Variants in RBFOX1 observed in about 807,000 individuals in gnomAD.
RBFOX1 encodes RNA binding fox-1 homolog 1.
Under a neutral mutation model 57.7 loss-of-function variants are expected in RBFOX1, and 8 were observed. The observed-to-expected ratio is 0.14, with a 90% CI of 0.08 to 0.25. RBFOX1 has a LOEUF of 0.25. Among genes scored for constraint, RBFOX1 ranks in the 10% least tolerant of loss-of-function variants. RBFOX1 has a pLI of 1.00. For missense variants in RBFOX1, 611 were observed against 548.5 expected (o/e 1.11, Z -1.14); for synonymous variants, 326 against 222.4 (o/e 1.47, Z -4.15).
intron 4 of RBFOX1, among the ~76,000 whole-genome samples, chr16:7,059,184 A>C (rs1369020922): frequency 6.6e-6 from 1 of 152,186 alleles, no homozygotes; most frequent in African/African-American, 2.4e-5. Flanking sequence ...AATCAGAGAT[A>C]CCTTCTCCCG....
chr16:5,804,947 T>C (rs940688691), intron 3 of RBFOX1, among the ~76,000 whole-genome samples: 2 of 152,182 alleles, frequency 1.3e-5, no homozygotes, highest in African/African-American at 4.8e-5. Context: ...GACAGGTTTT[T>C]AATAGTCCCA....
chr16:7,125,681 C>G (rs2068325733), intron 4 of RBFOX1, among the ~76,000 whole-genome samples: 1 of 152,090 alleles, frequency 6.6e-6, no homozygotes, highest in African/African-American at 2.4e-5. Flanking sequence ...GTTATTTGCT[C>G]TAAAATTTAA....
intron 4 of RBFOX1, among the ~76,000 whole-genome samples, chr16:5,956,678 ATT>A (rs34743228): frequency 8.6e-6 from 1 of 116,506 alleles, no homozygotes; most frequent in African/African-American, 3.5e-5. Flanking sequence ...ATATATATAT[ATT>A]TTTTTTGAGG....
At position 5,984,946 on chromosome 16, in the gene RBFOX1, TTATATATATATATA is replaced by T. The variant is rs61004841; in HGVS notation, c.351+117629_351+117642del. On this transcript the variant is annotated intron_variant, in intron 4 of 19. Coordinates refer to the RBFOX1 transcript ENST00000641259. The stretch of plus-strand genomic sequence containing the variant: ...GGTACACCTGTATAGGGCAACTCCA[TTATATATATATATA>T]TATATATATATATATATTTTTTTTT... Among the ~76,000 whole-genome samples the T allele has an allele frequency of 3.3e-4, 23 of 69,660 alleles. 1 individual carries two copies. Among genetic ancestry groups the T allele is most frequent in the African/African-American group, 6.5e-4 (9 of 13,938 alleles). The allele number at this position is 69,660 out of a possible 152,430, so 45.7% of individuals were successfully genotyped here. A position where few individuals can be genotyped will look rare whatever the true frequency, so the allele number is the denominator to read the frequency against.
chr16:5,342,610 A>C (rs759748120), intron 1 of RBFOX1, among the ~76,000 whole-genome samples: 1 of 152,146 alleles, frequency 6.6e-6, no homozygotes, highest in Admixed American at 6.5e-5. Context: ...AAAATGCAAA[A>C]TGCTGCAAGT....
chr16:7,193,163 A>G (rs529357779), intron 4 of RBFOX1, among the ~76,000 whole-genome samples: 33 of 152,324 alleles, frequency 2.2e-4, no homozygotes, highest in African/African-American at 7.9e-4. Context: ...GATGGATCCA[A>G]TAGGATTACA....
chr16:7,198,721 C>G (rs1179805792), intron 4 of RBFOX1, among the ~76,000 whole-genome samples: 9 of 152,164 alleles, frequency 5.9e-5, no homozygotes, highest in African/African-American at 1.2e-4. Flanking sequence ...CTCACTGCAG[C>G]AGTAATGACT....
chr16:7,000,270 C>G (rs929252302), intron 3 of RBFOX1, among the ~76,000 whole-genome samples: 3 of 152,008 alleles, frequency 2.0e-5, no homozygotes, highest in Admixed American at 1.3e-4. Flanking sequence ...ACCTGATAAT[C>G]TTACACATTT....
Position 6,897,474 on chromosome 16 carries a change from C to G in RBFOX1, c.-15-154583C>G, listed in dbSNP as rs1304484639. ...ACAGATTAAAACGTGATGTGGCTTC[C>G]CACTGTATTTAAGAAAATGGTCAAG... On this transcript the variant is annotated intron_variant, in intron 3 of 15. Transcript: ENST00000550418. Among the ~76,000 whole-genome samples, 7 of 152,176 alleles carry G rather than the reference C, an allele frequency of 4.6e-5. No individual in the cohort carries two copies. The South Asian group carries it at 8.3e-4, about 18-fold the overall frequency.
chr16:6,084,294 A>G (rs943539438), intron 1 of RBFOX1, among the ~76,000 whole-genome samples: 1 of 152,000 alleles, frequency 6.6e-6, no homozygotes, highest in Non-Finnish European at 1.5e-5. Context: ...CCCAGGCTGG[A>G]GAGCAGTGAT....
intron 3 of RBFOX1, among the ~76,000 whole-genome samples, chr16:6,810,422 G>C (rs1326443233): frequency 1.3e-5 from 2 of 152,052 alleles, no homozygotes; most frequent in Non-Finnish European, 2.9e-5. Context: ...ACTTTTTCCT[G>C]GGAGAAGGAT....
intron 2 of RBFOX1, among the ~76,000 whole-genome samples, chr16:5,518,259 G>T (rs1019794581): frequency 6.6e-6 from 1 of 152,156 alleles, no homozygotes; most frequent in African/African-American, 2.4e-5. Context: ...TATACTGACT[G>T]CTGGAGTGTG....
intron 3 of RBFOX1, among the ~76,000 whole-genome samples, chr16:5,792,954 G>T (rs943077218): frequency 6.6e-6 from 1 of 152,240 alleles, no homozygotes; most frequent in African/African-American, 2.4e-5. Flanking sequence ...CTGAGTAGGA[G>T]GAGGAAGAGA....
chr16:7,151,769 G>A lies in RBFOX1; in HGVS notation c.27+99671G>A, dbSNP rs117520546. The stretch of plus-strand genomic sequence containing the variant: ...CAACTAGACAGTCCCATCTTGGGGT[G>A]ATGGTAGGAAGTGACAGATCATCAG... On this transcript the variant is annotated intron_variant, in intron 4 of 15. Coordinates refer to ENST00000550418, the MANE Select transcript of RBFOX1 (RefSeq NM_018723.4). Among the ~76,000 whole-genome samples, 913 of 152,154 alleles carry A rather than the reference G, an allele frequency of 6.0e-3. 4 individuals carry two copies. Among genetic ancestry groups the A allele is most frequent in the Non-Finnish European group, 7.1e-3 (481 of 68,012 alleles).
At chr16:5,552,893 G>T (rs1419520838) in intron 2 of RBFOX1, among the ~76,000 whole-genome samples, 1 of 152,096 alleles carries the variant, frequency 6.6e-6, no homozygotes, top group Non-Finnish European at 1.5e-5. Context: ...CCCATCTCCA[G>T]GTCCTCAACA....
chr16:6,680,089 T>A (rs1183310822), intron 3 of RBFOX1, among the ~76,000 whole-genome samples: 1 of 151,938 alleles, frequency 6.6e-6, no homozygotes, highest in Non-Finnish European at 1.5e-5. Flanking sequence ...ATTGGCAACT[T>A]GGAACTTCAG....
upstream of RBFOX1, among the ~76,000 whole-genome samples, chr16:6,014,057 G>C (rs926070138): frequency 6.6e-6 from 1 of 152,104 alleles, no homozygotes; most frequent in Non-Finnish European, 1.5e-5. Flanking sequence ...GTACATGTAT[G>C]CATACGTAAC....
At chr16:6,819,651 G>C (rs1236534003) in intron 3 of RBFOX1, among the ~76,000 whole-genome samples, 1 of 127,538 alleles carries the variant, frequency 7.8e-6, no homozygotes, top group Non-Finnish European at 1.6e-5. Context: ...GTTGCAGTGA[G>C]CCAGGATCAA....
At chr16:7,314,208 C>G (rs4381618) in intron 4 of RBFOX1, among the ~76,000 whole-genome samples, 113,554 of 152,024 alleles carry the variant, frequency 0.75, 42,495 homozygotes, top group East Asian at 0.92. Flanking sequence ...CCCCAAATCT[C>G]TGTTGTACTG....
Sources: gnomAD v4.1 joint callset for allele counts (sites outside exome capture counted in the v4.1 genomes callset) on GRCh38, gnomAD v4.1.1 for gene constraint, MANE v1.5 for transcripts, NCBI Gene and HGNC (gene_info 2026-07-23, HGNC 2026-07-21) for gene names.